Variants in GALNT15 observed in about 807,000 individuals in gnomAD.
The protein encoded by GALNT15 is polypeptide N-acetylgalactosaminyltransferase 15.
A neutral mutation model predicts 66.8 loss-of-function variants in GALNT15; 67 were observed. The observed-to-expected ratio is 1.00, with a 90% CI of 0.82 to 1.23. GALNT15 has a LOEUF of 1.23. GALNT15 is among the 50% of genes most tolerant of loss of function. The pLI is 0.00. For missense variants in GALNT15, 827 were observed against 804.3 expected (o/e 1.03, Z -0.34); for synonymous variants, 313 against 311.5 (o/e 1.00, Z -0.05).
intron 1 of GALNT15, among the ~76,000 whole-genome samples, chr3:16,194,411 A>C (rs2063610636): frequency 6.6e-6 from 1 of 152,144 alleles, no homozygotes; most frequent in African/African-American, 2.4e-5. Context: ...AATTTGCATA[A>C]GTTCCTTGTA....
In GALNT15 at chr3:16,200,658, T is replaced by C. The variant is rs778845492; in HGVS notation, c.746T>C (p.Leu249Pro). The C allele has an allele frequency of 4.4e-6, 7 of 1,598,166 alleles. No homozygotes were observed. Among genetic ancestry groups the C allele is most frequent in the Non-Finnish European group, 6.0e-6 (7 of 1,172,100 alleles). The change falls in exon 3 of 10, where the codon CTG (leucine) becomes CCG (proline). Residue 249 changes from leucine to proline, a missense_variant. By Grantham distance (98) the Leu-to-Pro change is moderately conservative. Coordinates refer to ENST00000339732, the MANE Select transcript of GALNT15 (RefSeq NM_054110.5). The surrounding 1 kb of genome is among the most constrained non-coding windows in gnomAD (Gnocchi z 4.4). ...KSALSEYVARLEGVKLLRSNK... is the reference protein window; with the variant it reads ...KSALSEYVARPEGVKLLRSNK... ...GCTCTCAGCGAATATGTGGCCAGGC[T>C]GGAGGGGGTGAAGTTACTCAGGAGC...
the GALNT15 span, chr3:16,243,924 C>T: frequency 9.5e-5 from 77 of 813,404 alleles, no homozygotes; most frequent in Non-Finnish European, 1.1e-4. Context: ...TGTCTGATGT[C>T]GTGTTCTGTG....
chr3:16,206,435 G>A (rs1318283199), intron 3 of GALNT15, among the ~76,000 whole-genome samples: 1 of 151,636 alleles, frequency 6.6e-6, no homozygotes, highest in Non-Finnish European at 1.5e-5. Flanking sequence ...AGCACTTTGG[G>A]AGGCTGAGGT....
Position 16,180,038 on chromosome 3 carries a change from G to T in GALNT15, c.539+4348G>T, listed in dbSNP as rs1451019278. Among the ~76,000 whole-genome samples the T allele has an allele frequency of 6.6e-6, 1 of 152,210 alleles. No homozygotes were observed. The highest frequency in any genetic ancestry group is 1.5e-5 in the Non-Finnish European group (1 of 68,036). On this transcript the variant is annotated intron_variant, in intron 1 of 9. Transcript: ENST00000339732. The surrounding 1 kb of genome is among the most constrained non-coding windows in gnomAD (Gnocchi z 5.0). The stretch of plus-strand genomic sequence containing the variant: ...GGTTCCTAGGATCAAAGAGGCTGCT[G>T]TGTGAGCCAGTGCTTTGTAATCTAC...
rs2063550776 is a variant in GALNT15, at chr3:16,189,313, C to G, written c.540-6447C>G. Reference sequence around the variant, plus strand: ...CCATGTTGCATAACTCCAAGAGACACCAGTGCATGGTGATCTCTGAGCATG... The same window carrying G: ...CCATGTTGCATAACTCCAAGAGACAGCAGTGCATGGTGATCTCTGAGCATG... On this transcript the variant is annotated intron_variant, in intron 1 of 9. Transcript: ENST00000339732. The surrounding 1 kb of genome is among the most constrained non-coding windows in gnomAD (Gnocchi z 5.1). Among the ~76,000 whole-genome samples, 1 of 152,188 alleles carries G rather than the reference C, an allele frequency of 6.6e-6. No individual in the cohort carries two copies. Among genetic ancestry groups the G allele is most frequent in the Non-Finnish European group, 1.5e-5 (1 of 68,028 alleles).
Position 16,188,363 on chromosome 3 carries a change from T to G in GALNT15, c.540-7397T>G, listed in dbSNP as rs1030426962. Among the ~76,000 whole-genome samples, 3 of 152,194 alleles carry G rather than the reference T, an allele frequency of 2.0e-5. No homozygotes were observed. Among genetic ancestry groups the G allele is most frequent in the African/African-American group, 7.2e-5 (3 of 41,436 alleles). On this transcript the variant is annotated intron_variant, in intron 1 of 9. Coordinates refer to ENST00000339732, the MANE Select transcript of GALNT15 (RefSeq NM_054110.5). The surrounding 1 kb of genome is among the most constrained non-coding windows in gnomAD (Gnocchi z 4.6). Reference sequence around the variant, plus strand: ...GGCCATGCAGTTTTATTTAAAAATGTTGGATTAGTGGTCAACATTTAAAAA... The same window carrying G: ...GGCCATGCAGTTTTATTTAAAAATGGTGGATTAGTGGTCAACATTTAAAAA...
In GALNT15 at chr3:16,191,024, C is replaced by T. The variant is rs986760435; in HGVS notation, c.540-4736C>T. Among the ~76,000 whole-genome samples, 2 of 152,234 alleles carry T rather than the reference C, an allele frequency of 1.3e-5. No homozygotes were observed. Among genetic ancestry groups the T allele is most frequent in the African/African-American group, 4.8e-5 (2 of 41,462 alleles). ...AGCTTGGCGGGGCATCCCCCATAGC[C>T]TTGTAATGGCTTTCAAGAACCCATT... On this transcript the variant is annotated intron_variant, in intron 1 of 9. Coordinates refer to ENST00000339732, the MANE Select transcript of GALNT15 (RefSeq NM_054110.5). This position sits in a 1 kb window ranked among gnomAD's most constrained non-coding sequence, Gnocchi z 5.2.
chr3:16,180,693 G>C lies in GALNT15; in HGVS notation c.539+5003G>C, dbSNP rs1308179990. On this transcript the variant is annotated intron_variant, in intron 1 of 9. Transcript: ENST00000339732. The surrounding 1 kb of genome is among the most constrained non-coding windows in gnomAD (Gnocchi z 5.0). ...AGTTTCCACGTAGGAAGCAATACTA[G>C]AGTCAGAAAATAGAAAAGAGAGCAG... Among the ~76,000 whole-genome samples the C allele has an allele frequency of 6.6e-6, 1 of 152,230 alleles. No individual in the cohort carries two copies. Among genetic ancestry groups the C allele is most frequent in the Non-Finnish European group, 1.5e-5 (1 of 68,046 alleles).
In GALNT15 at chr3:16,195,197, C is replaced by G. The variant is rs2063619220; in HGVS notation, c.540-563C>G. On this transcript the variant is annotated intron_variant, in intron 1 of 9. Coordinates refer to ENST00000339732, the MANE Select transcript of GALNT15 (RefSeq NM_054110.5). The surrounding 1 kb of genome is among the most constrained non-coding windows in gnomAD (Gnocchi z 4.6). ...CTTCCCAGAAGGCCAGGAGGGGTGT[C>G]CCTAGGTCATTTAGTTGTGCCAGAA... 6.6e-6 allele frequency among the ~76,000 whole-genome samples: 1 copy of G among 152,254 alleles called. No individual in the cohort carries two copies. Among genetic ancestry groups the G allele is most frequent in the Admixed American group, 6.5e-5 (1 of 15,296 alleles).
At chr3:16,236,387 C>T (rs79107729), downstream of GALNT15, among the ~76,000 whole-genome samples, 1,632 of 152,276 alleles carry the variant, frequency 0.011, 30 homozygotes, top group African/African-American at 0.037. Flanking sequence ...CATTGTGGTA[C>T]AAAAGGAGCC....
intron 6 of GALNT15, among the ~76,000 whole-genome samples, chr3:16,217,396 C>T (rs772812256): frequency 6.6e-6 from 1 of 152,164 alleles, no homozygotes; most frequent in Non-Finnish European, 1.5e-5. Context: ...TGAGCATTTC[C>T]ATTAATTCAT....
chr3:16,198,872 C>T (rs1329631046), intron 2 of GALNT15, among the ~76,000 whole-genome samples: 1 of 141,884 alleles, frequency 7.0e-6, no homozygotes, highest in African/African-American at 2.6e-5. Flanking sequence ...CTCCAGCCTC[C>T]CCAGAGATCC....
chr3:16,212,141 C>A (rs1258777038), intron 5 of GALNT15, among the ~76,000 whole-genome samples: 1 of 152,202 alleles, frequency 6.6e-6, no homozygotes, highest in Non-Finnish European at 1.5e-5. Flanking sequence ...TCTGTCTCTA[C>A]CACAAACAGC....
chr3:16,213,062 C>T (rs887483347), intron 6 of GALNT15, among the ~76,000 whole-genome samples: 3 of 152,164 alleles, frequency 2.0e-5, no homozygotes, highest in African/African-American at 4.8e-5. Flanking sequence ...CACAGAGAAG[C>T]GATGAGATGG....
chr3:16,232,451 A>AAAAT (rs1194898714), downstream of GALNT15, among the ~76,000 whole-genome samples: 238 of 67,642 alleles, frequency 3.5e-3, 7 homozygotes, highest in East Asian at 7.5e-3. Flanking sequence ...GCCTGGCCTC[A>AAAAT]AAATAAATAA....
Position 16,188,731 on chromosome 3 carries a change from G to A in GALNT15, c.540-7029G>A, listed in dbSNP as rs1324080930. 6.6e-6 allele frequency among the ~76,000 whole-genome samples: 1 copy of A among 152,196 alleles called. No individual in the cohort carries two copies. Among genetic ancestry groups the A allele is most frequent in the Non-Finnish European group, 1.5e-5 (1 of 68,036 alleles). On this transcript the variant is annotated intron_variant, in intron 1 of 9. Transcript: ENST00000339732. The surrounding 1 kb of genome is among the most constrained non-coding windows in gnomAD (Gnocchi z 4.6). The stretch of plus-strand genomic sequence containing the variant: ...AATTGCTGCTCAAACCCTCCTCCTA[G>A]TTCTGGTCTACCCACCCCTCATTCC...
the GALNT15 span, among the ~76,000 whole-genome samples, chr3:16,245,319 C>T: frequency 2.0e-5 from 3 of 152,252 alleles, no homozygotes; most frequent in Admixed American, 2.0e-4. Context: ...GTCTCATGCT[C>T]TGCTTTCAGG....
At chr3:16,221,575 A>C (rs1412888610) in intron 8 of GALNT15, among the ~76,000 whole-genome samples, 1 of 152,202 alleles carries the variant, frequency 6.6e-6, no homozygotes, top group Non-Finnish European at 1.5e-5. Flanking sequence ...GCCCACCTTC[A>C]GCCCATGAGA....
chr3:16,233,094 C>CTTTTTTTTTTTTTTTTTTTTGTT (rs61516679), downstream of GALNT15, among the ~76,000 whole-genome samples: 2 of 61,208 alleles, frequency 3.3e-5, 1 homozygote, highest in Non-Finnish European at 6.1e-5. Flanking sequence ...GATAATGCAT[C>CTTTTTTTTTTTTTTTTTTTTGTT]TTTTTTTTTT....
Sources: allele counts gnomAD v4.1 joint callset (sites outside exome capture counted in the v4.1 genomes callset), GRCh38; gene constraint gnomAD v4.1.1; non-coding constraint Gnocchi (gnomAD v3.1); transcripts MANE v1.5; gene names NCBI Gene and HGNC (gene_info 2026-07-23, HGNC 2026-07-21).